The following CTNNA3 variants were observed in gnomAD, a reference collection of about 807,000 sequenced individuals.
CTNNA3 encodes catenin alpha 3.
Under a neutral mutation model 95.7 loss-of-function variants are expected in CTNNA3, and 76 were observed. The ratio of observed to expected loss-of-function variants is 0.79; its 90% CI spans 0.66 to 0.96. The LOEUF is 0.96. CTNNA3 is among the 40% of genes least tolerant of loss of function. The pLI is 0.00. For synonymous variants in CTNNA3, 431 were observed against 374.4 expected, an observed-to-expected ratio of 1.15 and a Z score of -1.74; for missense variants, 1,191 against 1,089.8, an observed-to-expected ratio of 1.09 and a Z score of -1.31.
At chr10:66,838,187 C>T (rs1038475370) in intron 7 of CTNNA3, among the ~76,000 whole-genome samples, 1 of 152,032 alleles carries the variant, frequency 6.6e-6, no homozygotes, top group Non-Finnish European at 1.5e-5. Flanking sequence ...GGCCAAGAAC[C>T]ACAGACTAGG....
At chr10:67,569,656 T>C (rs974482218) in intron 3 of CTNNA3, among the ~76,000 whole-genome samples, 8 of 152,134 alleles carry the variant, frequency 5.3e-5, no homozygotes, top group Non-Finnish European at 8.8e-5. Context: ...ACCTAAAGTT[T>C]ATGTTCACAG....
chr10:66,501,887 A>G (rs1039000266), intron 11 of CTNNA3, among the ~76,000 whole-genome samples: 1 of 152,124 alleles, frequency 6.6e-6, no homozygotes, highest in Admixed American at 6.6e-5. Context: ...AAATAGTAAA[A>G]ACCTGAGAAA....
At chr10:67,222,404 C>A (rs934638435) in intron 5 of CTNNA3, among the ~76,000 whole-genome samples, 6 of 152,180 alleles carry the variant, frequency 3.9e-5, no homozygotes, top group African/African-American at 1.4e-4. Flanking sequence ...GTCTGTCTTT[C>A]TATCTGTAAA....
intron 5 of CTNNA3, among the ~76,000 whole-genome samples, chr10:67,483,033 C>T (rs1490094276): frequency 6.6e-6 from 1 of 152,070 alleles, no homozygotes; most frequent in Non-Finnish European, 1.5e-5. Flanking sequence ...CCATCACTGG[C>T]CATCAGAGAA....
intron 2 of CTNNA3, among the ~76,000 whole-genome samples, chr10:67,622,257 T>TAAGAGGG (rs1843871242): frequency 6.6e-6 from 1 of 152,166 alleles, no homozygotes; most frequent in African/African-American, 2.4e-5. Flanking sequence ...CAGGTGTATC[T>TAAGAGGG]TGGCTTATCA....
intron 7 of CTNNA3, among the ~76,000 whole-genome samples, chr10:67,080,306 T>C (rs1485062497): frequency 6.6e-6 from 1 of 152,152 alleles, no homozygotes; most frequent in Admixed American, 6.5e-5. Flanking sequence ...TATCAGCAGG[T>C]TAATTTCTAC....
intron 15 of CTNNA3, among the ~76,000 whole-genome samples, chr10:66,018,244 A>C (rs2079133676): frequency 7.0e-6 from 1 of 143,144 alleles, no homozygotes; most frequent in South Asian, 2.3e-4. Flanking sequence ...ACAAAGAATA[A>C]GTGCAGAAGT....
intron 7 of CTNNA3, among the ~76,000 whole-genome samples, chr10:66,867,599 G>A (rs573687957): frequency 7.9e-5 from 12 of 152,094 alleles, no homozygotes; most frequent in Admixed American, 2.6e-4. Context: ...CTGACTCCTC[G>A]CCTCTATTTT....
intron 7 of CTNNA3, among the ~76,000 whole-genome samples, chr10:66,779,425 C>T (rs572472029): frequency 9.5e-4 from 145 of 152,162 alleles, no homozygotes; most frequent in African/African-American, 3.1e-3. Flanking sequence ...AGTGCCATCT[C>T]GGCTCACTGC....
chr10:67,405,717 T>C (rs915029802), intron 5 of CTNNA3, among the ~76,000 whole-genome samples: 1 of 152,164 alleles, frequency 6.6e-6, no homozygotes, highest in African/African-American at 2.4e-5. Context: ...CAGATATCTA[T>C]AGAACTCTAC....
chr10:67,641,656 A>C (rs1039172053), intron 2 of CTNNA3, among the ~76,000 whole-genome samples: 2 of 152,220 alleles, frequency 1.3e-5, no homozygotes, highest in Non-Finnish European at 2.9e-5. Flanking sequence ...GCACATATAC[A>C]CCATGGAATA....
chr10:66,178,374 A>G (rs571261782), intron 13 of CTNNA3, among the ~76,000 whole-genome samples: 2 of 142,814 alleles, frequency 1.4e-5, no homozygotes, highest in South Asian at 4.4e-4. Flanking sequence ...ATTAAGTACA[A>G]CATACAACTA....
intron 5 of CTNNA3, among the ~76,000 whole-genome samples, chr10:67,416,219 G>A (rs1322284839): frequency 6.6e-6 from 1 of 152,034 alleles, no homozygotes; most frequent in African/African-American, 2.4e-5. Flanking sequence ...CCTATAGAAT[G>A]ATACAAGATA....
At chr10:66,264,373 G>T (rs1209675657) in intron 13 of CTNNA3, among the ~76,000 whole-genome samples, 1 of 151,836 alleles carries the variant, frequency 6.6e-6, no homozygotes, top group Non-Finnish European at 1.5e-5. Context: ...AATATGTTTT[G>T]AATTTGTTTA....
chr10:67,093,469 G>C (rs1295889319), intron 7 of CTNNA3, among the ~76,000 whole-genome samples: 1 of 151,872 alleles, frequency 6.6e-6, no homozygotes, highest in Non-Finnish European at 1.5e-5. Context: ...GTGAAAAAAA[G>C]AAAAGAATAA....
At chr10:66,739,651 C>A (rs1431669013) in intron 9 of CTNNA3, among the ~76,000 whole-genome samples, 1 of 152,054 alleles carries the variant, frequency 6.6e-6, no homozygotes, top group Non-Finnish European at 1.5e-5. Flanking sequence ...AAATGTGTTT[C>A]ATTGTCTAAT....
chr10:66,697,069 A>G (rs1267459135), intron 9 of CTNNA3, among the ~76,000 whole-genome samples: 1 of 152,120 alleles, frequency 6.6e-6, no homozygotes, highest in Non-Finnish European at 1.5e-5. Flanking sequence ...GTTAGGAAGC[A>G]ACTGCCCATC....
intron 7 of CTNNA3, among the ~76,000 whole-genome samples, chr10:67,103,806 C>T (rs1425117133): frequency 1.3e-5 from 2 of 151,486 alleles, no homozygotes; most frequent in Non-Finnish European, 3.0e-5. Flanking sequence ...ATTCTGAACA[C>T]AGCAGAAAAA....
chr10:67,605,530 C>G (rs530870166), intron 3 of CTNNA3, among the ~76,000 whole-genome samples: 1 of 151,780 alleles, frequency 6.6e-6, no homozygotes. Flanking sequence ...GCTACACACA[C>G]AAAAAAATGG....
Sources: allele counts gnomAD v4.1 joint callset (sites outside exome capture counted in the v4.1 genomes callset), GRCh38; gene constraint gnomAD v4.1.1; transcripts MANE v1.5; gene names NCBI Gene and HGNC (gene_info 2026-07-23, HGNC 2026-07-21).